The following FBXL2 variants were observed in gnomAD, a reference collection of about 807,000 sequenced individuals.
The protein encoded by FBXL2 is F-box and leucine rich repeat protein 2.
Under a neutral mutation model 69.2 loss-of-function variants are expected in FBXL2, and 38 were observed. The ratio of observed to expected loss-of-function variants is 0.55; its 90% CI spans 0.42 to 0.72. The LOEUF is 0.72. FBXL2 is among the 30% of genes least tolerant of loss of function. FBXL2 has a pLI of 0.00. For missense variants in FBXL2, 354 were observed against 520.3 expected, an observed-to-expected ratio of 0.68 and a Z score of 3.11; for synonymous variants, 192 against 201.3, an observed-to-expected ratio of 0.95 and a Z score of 0.39.
chr3:33,343,710 A>C (rs1192279406), intron 2 of FBXL2, among the ~76,000 whole-genome samples: 1 of 152,082 alleles, frequency 6.6e-6, no homozygotes, highest in Non-Finnish European at 1.5e-5. Context: ...GTTTTTAAAA[A>C]ATTTTGTCAT....
intron 11 of FBXL2, among the ~76,000 whole-genome samples, chr3:33,377,750 A>G (rs995454569): frequency 4.0e-5 from 6 of 151,322 alleles, no homozygotes; most frequent in East Asian, 1.9e-4. Flanking sequence ...CCTCCACCCA[A>G]CCCCCACAGT....
chr3:33,328,801 A>G (rs1026031204), intron 2 of FBXL2, among the ~76,000 whole-genome samples: 174 of 146,884 alleles, frequency 1.2e-3, no homozygotes, highest in Non-Finnish European at 2.2e-3. Flanking sequence ...GTGTGTGTGC[A>G]TGTGTGTGTG....
intron 2 of FBXL2, among the ~76,000 whole-genome samples, chr3:33,349,994 A>G (rs944504509): frequency 6.6e-6 from 1 of 152,322 alleles, no homozygotes; most frequent in East Asian, 1.9e-4. Context: ...CCAGTTCTCT[A>G]TAATATTGTC....
chr3:33,321,129 G>GA (rs1382046321), intron 2 of FBXL2, among the ~76,000 whole-genome samples: 2 of 151,728 alleles, frequency 1.3e-5, no homozygotes, highest in African/African-American at 4.8e-5. Flanking sequence ...GCCCAACATG[G>GA]AAAAATCCCA....
downstream of FBXL2, among the ~76,000 whole-genome samples, chr3:33,404,745 T>C (rs2044371579): frequency 6.6e-6 from 1 of 152,212 alleles, no homozygotes; most frequent in Non-Finnish European, 1.5e-5. Context: ...TTCAGGAGGA[T>C]GGACCTATTG....
chr3:33,287,088 C>T (rs2034711428), intron 1 of FBXL2, among the ~76,000 whole-genome samples: 1 of 152,184 alleles, frequency 6.6e-6, no homozygotes. Flanking sequence ...AGAAATCACC[C>T]ATCTTCTGCA....
Position 33,342,711 on chromosome 3 carries a change from C to CTTTTTTTTTTTTT in FBXL2, c.66-16236_66-16224dup, listed in dbSNP as rs71070130. On this transcript the variant is annotated intron_variant, in intron 2 of 14. Coordinates refer to ENST00000484457, the MANE Select transcript of FBXL2 (RefSeq NM_012157.5). ...GATTCTTGCAAAACAAATATAACTT[C>CTTTTTTTTTTTTT]TTTTTTTTTTTTTTTTTTTTTTTTT... Among the ~76,000 whole-genome samples the CTTTTTTTTTTTTT allele has an allele frequency of 1.5e-3, 55 of 37,928 alleles. 16 individuals carry two copies. Among genetic ancestry groups the CTTTTTTTTTTTTT allele is most frequent in the South Asian group, 5.0e-3 (4 of 794 alleles). The allele number at this position is 37,928 out of a possible 152,430, so 24.9% of individuals were successfully genotyped here. A position where few individuals can be genotyped will look rare whatever the true frequency, so the allele number is the denominator to read the frequency against.
chr3:33,398,695 A>G (rs1213014968), intron 12 of FBXL2, among the ~76,000 whole-genome samples: 4 of 152,226 alleles, frequency 2.6e-5, no homozygotes, highest in Non-Finnish European at 5.9e-5. Context: ...ACGCCATGTG[A>G]TCACTGCTCA....
chr3:33,277,619 T>TGGAGAGGCCGGGCCGCGGCC, intron 1 of FBXL2, 104 bp downstream of exon 1: 2 of 1,157,356 alleles, frequency 1.7e-6, no homozygotes, highest in Non-Finnish European at 2.2e-6. Context: ...GCAGGGGTCG[T>TGGAGAGGCCGGGCCGCGGCC]GGAGAGGCCG....
chr3:33,293,193 G>A (rs765267230), intron 1 of FBXL2, among the ~76,000 whole-genome samples: 1 of 152,172 alleles, frequency 6.6e-6, no homozygotes, highest in Non-Finnish European at 1.5e-5. Context: ...AGACTTCACA[G>A]CTGTCATCAT....
intron 14 of FBXL2, 58 bp downstream of exon 14, chr3:33,384,259 C>T: frequency 1.3e-6 from 2 of 1,540,490 alleles, no homozygotes; most frequent in Non-Finnish European, 1.8e-6. Flanking sequence ...CAAAGGAAAA[C>T]ATCAAGAATC....
intron 1 of FBXL2, among the ~76,000 whole-genome samples, chr3:33,294,067 GA>G (rs2035510808): frequency 6.6e-6 from 1 of 152,110 alleles, no homozygotes; most frequent in South Asian, 2.1e-4. Context: ...ATAATAGAAG[GA>G]AAACTGGAAA....
chr3:33,297,388 A>G (rs528248589), intron 1 of FBXL2, among the ~76,000 whole-genome samples: 13 of 152,144 alleles, frequency 8.5e-5, no homozygotes, highest in Non-Finnish European at 1.6e-4. Context: ...TCCAATCTGG[A>G]TGTCTTTTTT....
chr3:33,393,429 T>A lies in FBXL2; in HGVS notation n.1214+7701T>A. On this transcript the variant is annotated intron_variant and non_coding_transcript_variant, in intron 12 of 12. Transcript: ENST00000463736. ...TTCGAGCAACTTCTGAGGCAATCATTTCTTCCAAGTAGATTGCATGATAAA... is the reference window on the plus strand; with the variant it reads ...TTCGAGCAACTTCTGAGGCAATCATATCTTCCAAGTAGATTGCATGATAAA... 3 of 1,609,774 alleles carry A rather than the reference T, an allele frequency of 1.9e-6. No homozygotes were observed. The South Asian group carries it at 3.4e-5, about 18-fold the overall frequency.
At chr3:33,308,513 A>G (rs2036913801) in intron 2 of FBXL2, among the ~76,000 whole-genome samples, 1 of 152,352 alleles carries the variant, frequency 6.6e-6, no homozygotes, top group East Asian at 1.9e-4. Context: ...TGATAGTCCT[A>G]GTTCTGGCAC....
chr3:33,387,693 C>G lies in FBXL2; in HGVS notation c.*2085C>G, dbSNP rs1475757945. ...GATTTCTTTTGAGCCAGGATACAAC[C>G]TATCATCAGTCACAGCTATTGGACT... On this transcript the variant is annotated 3_prime_UTR_variant, in exon 15 of 15. Coordinates refer to ENST00000484457, the MANE Select transcript of FBXL2 (RefSeq NM_012157.5). The G allele has an allele frequency of 6.6e-6, 1 of 152,170 alleles. No individual in the cohort carries two copies. The highest frequency in any genetic ancestry group is 2.4e-5 in the African/African-American group (1 of 41,430). 9.4% of individuals were successfully genotyped at this position (152,170 alleles called of 1,614,324 possible).
intron 2 of FBXL2, among the ~76,000 whole-genome samples, chr3:33,307,339 T>G (rs2036811564): frequency 6.6e-6 from 1 of 152,206 alleles, no homozygotes; most frequent in South Asian, 2.1e-4. Flanking sequence ...GTAATTGGCC[T>G]ATTTGCTTTT....
At chr3:33,420,228 A>C in the FBXL2 span, among the ~76,000 whole-genome samples, 1 of 152,234 alleles carries the variant, frequency 6.6e-6, no homozygotes, top group Non-Finnish European at 1.5e-5. Context: ...CTGTTGTGAA[A>C]AATGAAACTA....
intron 12 of FBXL2, among the ~76,000 whole-genome samples, chr3:33,402,248 C>T (rs1391608637): frequency 6.6e-6 from 1 of 152,206 alleles, no homozygotes; most frequent in Non-Finnish European, 1.5e-5. Context: ...TGCTCCCACC[C>T]TGAGCTTACT....
Sources: gnomAD v4.1 joint callset for allele counts (sites outside exome capture counted in the v4.1 genomes callset) on GRCh38, gnomAD v4.1.1 for gene constraint, MANE v1.5 for transcripts, NCBI Gene and HGNC (gene_info 2026-07-23, HGNC 2026-07-21) for gene names.